Variants in NEBL observed in about 807,000 individuals in gnomAD.
The protein encoded by NEBL is nebulette, also known as LIM and SH3 protein 2.
Under a neutral mutation model 140.2 loss-of-function variants are expected in NEBL, and 122 were observed. That is an observed-to-expected ratio of 0.87 (90% confidence interval 0.75 to 1.01). NEBL has a LOEUF of 1.01. NEBL is among the 50% of genes least tolerant of loss of function. The pLI is 0.00. For missense variants in NEBL, 1,365 were observed against 1,231.3 expected (o/e 1.11, Z -1.62); for synonymous variants, 436 against 398.9 (o/e 1.09, Z -1.11).
intron 2 of NEBL, among the ~76,000 whole-genome samples, chr10:21,059,089 C>T (rs1420577990): frequency 6.6e-6 from 1 of 152,222 alleles, no homozygotes. Flanking sequence ...ACAGGCTTTA[C>T]TATCACTCAC....
In NEBL at chr10:21,261,015, G is replaced by A. The variant is rs76264343; in HGVS notation, n.183-9187C>T. ...CAGTCAGTAAGAAGGGATCGTGGAT[G>A]GCAAGGCATGCTTTGATGTGCTGAT... is the stretch of plus-strand genomic sequence containing the variant. On this transcript the variant is annotated intron_variant and non_coding_transcript_variant, in intron 1 of 8. Transcript: ENST00000675702. 5.8e-3 allele frequency among the ~76,000 whole-genome samples: 881 copies of A among 152,252 alleles called. 5 individuals carry two copies. Among genetic ancestry groups the A allele is most frequent in the African/African-American group, 0.02 (840 of 41,552 alleles).
intron 2 of NEBL, among the ~76,000 whole-genome samples, chr10:21,169,066 AAATATATATAT>A (rs1352488682): frequency 1.5e-3 from 77 of 50,920 alleles, no homozygotes; most frequent in Middle Eastern, 0.01. Context: ...AAAAAAAAAA[AAATATATATAT>A]ATATATATAT....
At chr10:21,057,821 A>G (rs916546781) in intron 2 of NEBL, among the ~76,000 whole-genome samples, 158 of 152,272 alleles carry the variant, frequency 1.0e-3, no homozygotes, top group African/African-American at 3.6e-3. Context: ...TTGGTCTCCC[A>G]AAGTGAGCCA....
intron 21 of NEBL, 192 bp from the exon 22 acceptor site, chr10:20,815,909 C>T: frequency 1.4e-5 from 8 of 578,690 alleles, no homozygotes; most frequent in South Asian, 9.9e-5. Context: ...GCTGGGATTA[C>T]AGGCACCTGC....
chr10:21,155,416 C>T (rs150389866), intron 2 of NEBL, among the ~76,000 whole-genome samples: 122 of 152,244 alleles, frequency 8.0e-4, no homozygotes, highest in African/African-American at 2.6e-3. Context: ...ACATCCCCAC[C>T]TCCTCACCAC....
intron 12 of NEBL, among the ~76,000 whole-genome samples, chr10:20,844,853 A>C (rs777085983): frequency 6.6e-5 from 10 of 152,074 alleles, no homozygotes; most frequent in Admixed American, 2.0e-4. Context: ...TTGCTGCAGG[A>C]AAGCGACAGG....
chr10:21,234,372 G>A (rs1158569038), intron 3 of NEBL, among the ~76,000 whole-genome samples: 1 of 151,924 alleles, frequency 6.6e-6, no homozygotes, highest in Non-Finnish European at 1.5e-5. Context: ...AAAGAGCCTG[G>A]CGCCACCACC....
chr10:21,083,095 A>T (rs1448127388), intron 2 of NEBL, among the ~76,000 whole-genome samples: 1 of 152,174 alleles, frequency 6.6e-6, no homozygotes, highest in African/African-American at 2.4e-5. Flanking sequence ...CTGTTTCATT[A>T]AGCAGGAGCG....
chr10:21,149,500 AG>A (rs1840054933), intron 2 of NEBL, among the ~76,000 whole-genome samples: 2 of 152,288 alleles, frequency 1.3e-5, no homozygotes, highest in African/African-American at 4.8e-5. Flanking sequence ...CATGTTGGCC[AG>A]GCTTGTCTCA....
At chr10:21,100,225 G>A (rs906575181) in intron 2 of NEBL, among the ~76,000 whole-genome samples, 5 of 152,158 alleles carry the variant, frequency 3.3e-5, no homozygotes, top group Admixed American at 6.5e-5. Context: ...TTTACTAAGC[G>A]TGTGTGGGAT....
chr10:20,999,934 C>A (rs1018703934), intron 3 of NEBL, among the ~76,000 whole-genome samples: 2 of 151,898 alleles, frequency 1.3e-5, no homozygotes, highest in African/African-American at 2.4e-5. Flanking sequence ...TGATGCAAAC[C>A]GTAATGACTA....
intron 1 of NEBL, among the ~76,000 whole-genome samples, chr10:21,278,773 C>G (rs1842955219): frequency 6.6e-6 from 1 of 152,174 alleles, no homozygotes; most frequent in South Asian, 2.1e-4. Context: ...CAGAGAAGTT[C>G]GGTGAGATCT....
At chr10:21,140,480 TAAG>T (rs1266090116) in intron 2 of NEBL, among the ~76,000 whole-genome samples, 1 of 152,190 alleles carries the variant, frequency 6.6e-6, no homozygotes, top group African/African-American at 2.4e-5. Context: ...TTTAAATGTT[TAAG>T]AAGATGTAAT....
At chr10:20,903,510 A>G (rs1177859078) in intron 4 of NEBL, among the ~76,000 whole-genome samples, 1 of 152,182 alleles carries the variant, frequency 6.6e-6, no homozygotes, top group Non-Finnish European at 1.5e-5. Context: ...CAATCCCACT[A>G]CTGGGTATCT....
At chr10:20,793,539 TTTTTCTTTCTTTC>T (rs1479421823) in intron 26 of NEBL, among the ~76,000 whole-genome samples, 4 of 151,210 alleles carry the variant, frequency 2.6e-5, no homozygotes, top group African/African-American at 9.8e-5. Flanking sequence ...TGGTGTCTTA[TTTTTCTTTCTTTC>T]TTTTCTTTTT....
intron 2 of NEBL, chr10:21,029,723 G>A (rs577427149): frequency 1.0e-5 from 9 of 872,588 alleles, no homozygotes; most frequent in African/African-American, 3.3e-5. Flanking sequence ...TATGAGTATC[G>A]GGATGGCCCA....
intron 3 of NEBL, among the ~76,000 whole-genome samples, chr10:20,968,493 A>G (rs752176782): frequency 2.0e-4 from 30 of 152,210 alleles, no homozygotes; most frequent in Admixed American, 8.5e-4. Flanking sequence ...CCTGGGCAAC[A>G]GAGCAAGACC....
chr10:20,912,425 T>C (rs1848368132), intron 4 of NEBL, among the ~76,000 whole-genome samples: 1 of 152,214 alleles, frequency 6.6e-6, no homozygotes, highest in Non-Finnish European at 1.5e-5. Flanking sequence ...CACTCCAGCC[T>C]GGGTGACTGA....
rs899894677 is a variant in NEBL, at chr10:20,780,237, C to G, written c.*5510G>C. On this transcript the variant is annotated 3_prime_UTR_variant, in exon 28 of 28. Coordinates refer to ENST00000377122, the MANE Select transcript of NEBL (RefSeq NM_006393.3). ...AATCAGTTGCTTCCCATTTTATGTA[C>G]TCAATTTGTGCACTTTCTATTCTAT... 6.6e-6 allele frequency: 1 copy of G among 152,174 alleles called. No individual in the cohort carries two copies. The highest frequency in any genetic ancestry group is 2.4e-5 in the African/African-American group (1 of 41,442). 9.4% of individuals were successfully genotyped at this position (152,174 alleles called of 1,614,324 possible).
Sources: gnomAD v4.1 joint callset for allele counts (sites outside exome capture counted in the v4.1 genomes callset) on GRCh38, gnomAD v4.1.1 for gene constraint, MANE v1.5 for transcripts, NCBI Gene and HGNC (gene_info 2026-07-23, HGNC 2026-07-21) for gene names.